Variants in RORA observed in about 807,000 individuals in gnomAD.
RORA encodes RAR related orphan receptor A.
In RORA, 7 loss-of-function variants were observed where a neutral mutation model predicts 69.5. That is an observed-to-expected ratio of 0.10 (90% CI 0.06 to 0.19). RORA has a LOEUF of 0.19. Ranked by LOEUF, RORA falls within the 10% of genes least tolerant of loss-of-function variation. The probability of loss-of-function intolerance (pLI) is 1.00; values close to 1 mark genes in which losing one functional copy is unlikely to be tolerated. For synonymous variants in RORA, 261 were observed against 240.8 expected (o/e 1.08, Z -0.78); for missense variants, 457 against 663.0 (o/e 0.69, Z 3.41).
chr15:60,807,209 CA>C (rs2072671825), intron 1 of RORA, among the ~76,000 whole-genome samples: 1 of 152,132 alleles, frequency 6.6e-6, no homozygotes, highest in Admixed American at 6.5e-5. Flanking sequence ...ATGAATTCAC[CA>C]AAGTTTCAAG....
chr15:60,773,809 G>A (rs1175047231), intron 1 of RORA, among the ~76,000 whole-genome samples: 2 of 152,122 alleles, frequency 1.3e-5, no homozygotes, highest in African/African-American at 4.8e-5. Context: ...CAGAGCTACC[G>A]GGCCAAGCAG....
intron 1 of RORA, among the ~76,000 whole-genome samples, chr15:61,114,525 G>A (rs545724604): frequency 6.6e-6 from 1 of 152,164 alleles, no homozygotes; most frequent in Non-Finnish European, 1.5e-5. Flanking sequence ...TGCTGTGACT[G>A]CAAGAAATCA....
At chr15:60,574,930 G>A (rs16942772) in intron 2 of RORA, among the ~76,000 whole-genome samples, 31 of 151,856 alleles carry the variant, frequency 2.0e-4, no homozygotes, top group Admixed American at 1.4e-3. Context: ...TGTGTCACCC[G>A]GAAGAGCCAG....
At chr15:60,693,347 T>C (rs1256580309) in intron 1 of RORA, among the ~76,000 whole-genome samples, 1 of 152,234 alleles carries the variant, frequency 6.6e-6, no homozygotes, top group Non-Finnish European at 1.5e-5. Flanking sequence ...AATATCATGC[T>C]GAATGGGCAA....
intron 1 of RORA, among the ~76,000 whole-genome samples, chr15:60,879,864 C>T (rs2073659690): frequency 6.6e-6 from 1 of 152,170 alleles, no homozygotes; most frequent in African/African-American, 2.4e-5. Flanking sequence ...AAACATAAAC[C>T]TTCCACATCT....
chr15:60,638,390 T>TC (rs1033782897), intron 2 of RORA, among the ~76,000 whole-genome samples: 31 of 149,800 alleles, frequency 2.1e-4, no homozygotes, highest in Non-Finnish European at 3.8e-4. Flanking sequence ...TCTTTTCTTT[T>TC]TTTTTTTTTT....
At chr15:60,906,100 G>A (rs1004072112) in intron 1 of RORA, among the ~76,000 whole-genome samples, 3 of 151,968 alleles carry the variant, frequency 2.0e-5, no homozygotes, top group African/African-American at 2.4e-5. Context: ...CTCTCTTTTC[G>A]GGGGCTTCAT....
At chr15:60,589,291 A>G (rs979187690) in intron 2 of RORA, among the ~76,000 whole-genome samples, 11 of 152,214 alleles carry the variant, frequency 7.2e-5, no homozygotes, top group African/African-American at 2.7e-4. Context: ...AGTATTTTCA[A>G]AGTGGTGAGG....
At position 60,917,090 on chromosome 15, in the gene RORA, T is replaced by A. The variant is rs75706602; in HGVS notation, c.167-238404A>T. Reference sequence around the variant, plus strand: ...ACAGAGGAGCTGCTTCAACAACTTCTGCATACTGCCACCTGGTGGGGCCTG... The same window carrying A: ...ACAGAGGAGCTGCTTCAACAACTTCAGCATACTGCCACCTGGTGGGGCCTG... On this transcript the variant is annotated intron_variant, in intron 1 of 10. Coordinates refer to ENST00000335670, the MANE Select transcript of RORA (RefSeq NM_134261.3). Among the ~76,000 whole-genome samples the A allele has an allele frequency of 3.9e-4, 59 of 152,264 alleles. 1 individual carries two copies. In the East Asian group the frequency reaches 0.011, roughly 29 times the overall value.
intron 1 of RORA, among the ~76,000 whole-genome samples, chr15:60,955,717 C>G (rs1048867177): frequency 6.6e-6 from 1 of 152,208 alleles, no homozygotes; most frequent in African/African-American, 2.4e-5. Flanking sequence ...ATGCTCTATT[C>G]AAGGTCACAG....
chr15:61,096,860 T>C (rs1200481113), intron 1 of RORA, among the ~76,000 whole-genome samples: 1 of 152,246 alleles, frequency 6.6e-6, no homozygotes, highest in East Asian at 1.9e-4. Flanking sequence ...AGCTTCTCTC[T>C]GGTGCAGCGC....
intron 1 of RORA, among the ~76,000 whole-genome samples, chr15:60,988,246 G>A (rs1372814514): frequency 6.6e-6 from 1 of 152,132 alleles, no homozygotes; most frequent in African/African-American, 2.4e-5. Flanking sequence ...AGACACTGGG[G>A]GCAAGTGACA....
chr15:61,063,302 T>C (rs1449689218), intron 1 of RORA, among the ~76,000 whole-genome samples: 1 of 152,188 alleles, frequency 6.6e-6, no homozygotes, highest in Non-Finnish European at 1.5e-5. Context: ...AGCAAGAATA[T>C]ATAAAAGATA....
intron 1 of RORA, among the ~76,000 whole-genome samples, chr15:60,712,031 T>C (rs1029794594): frequency 2.6e-5 from 4 of 152,180 alleles, no homozygotes; most frequent in African/African-American, 9.6e-5. Context: ...TTTAAACAAA[T>C]GAAATCTGAA....
At chr15:61,117,862 A>G (rs893131544) in intron 1 of RORA, among the ~76,000 whole-genome samples, 1 of 152,250 alleles carries the variant, frequency 6.6e-6, no homozygotes, top group African/African-American at 2.4e-5. Context: ...AAAGATAAAG[A>G]CTTCAAAAGT....
intron 2 of RORA, among the ~76,000 whole-genome samples, chr15:60,535,770 C>A (rs755133904): frequency 6.6e-6 from 1 of 152,136 alleles, no homozygotes; most frequent in Non-Finnish European, 1.5e-5. Flanking sequence ...CAATAATAAT[C>A]TAATTTATAA....
chr15:60,841,067 T>A (rs1309236046), intron 1 of RORA: 1 of 984,456 alleles, frequency 1.0e-6, no homozygotes. Flanking sequence ...TCAGCGTACT[T>A]ACCAAATGTT....
At chr15:60,649,928 C>T (rs1466360121) in intron 2 of RORA, among the ~76,000 whole-genome samples, 1 of 152,122 alleles carries the variant, frequency 6.6e-6, no homozygotes, top group Non-Finnish European at 1.5e-5. Flanking sequence ...CTCCCTCTGC[C>T]GTGGAATCAA....
At chr15:60,842,026 G>A (rs2073205509) in intron 1 of RORA, among the ~76,000 whole-genome samples, 1 of 152,056 alleles carries the variant, frequency 6.6e-6, no homozygotes, top group Non-Finnish European at 1.5e-5. Context: ...CATCACGGAT[G>A]CCTTCTCAAA....
Sources: gnomAD v4.1 joint callset for allele counts (sites outside exome capture counted in the v4.1 genomes callset) on GRCh38, gnomAD v4.1.1 for gene constraint, MANE v1.5 for transcripts, NCBI Gene and HGNC (gene_info 2026-07-23, HGNC 2026-07-21) for gene names.